The following HDX variants were observed in gnomAD, a reference collection of about 807,000 sequenced individuals.
HDX encodes chromosome X open reading frame 43.
HDX carries 19 observed loss-of-function variants against 45.2 expected under a neutral mutation model. The observed-to-expected ratio is 0.42, with a 90% confidence interval of 0.29 to 0.62. The LOEUF is 0.62. Among genes scored for constraint, HDX ranks in the 20% least tolerant of loss-of-function variants. The pLI is 0.20. For synonymous variants in HDX, 188 were observed against 172.8 expected, an observed-to-expected ratio of 1.09 and a Z score of -0.69; for missense variants, 532 against 493.9, an observed-to-expected ratio of 1.08 and a Z score of -0.73.
chrX:84,471,196 C>T (rs1424688969), intron 3 of HDX, among the ~76,000 whole-genome samples: 2 of 108,426 alleles, frequency 1.8e-5, no homozygotes, highest in Non-Finnish European at 3.8e-5. Context: ...TGCTGTACTA[C>T]TGTAAATAAA....
At chrX:84,358,469 C>A (rs1227889042) in intron 6 of HDX, among the ~76,000 whole-genome samples, 1 of 111,892 alleles carries the variant, frequency 8.9e-6, no homozygotes, top group East Asian at 2.8e-4. Context: ...CCTCTTCAGT[C>A]ATTTTTTTTC....
At chrX:84,333,382 A>T (rs73625978) in intron 9 of HDX, among the ~76,000 whole-genome samples, 6,807 of 111,097 alleles carry the variant, frequency 0.061, 234 homozygotes, top group African/African-American at 0.13. Flanking sequence ...TCCACAGAAG[A>T]AGTAAAAATT....
chrX:84,368,565 A>T (rs1273940982), intron 5 of HDX, among the ~76,000 whole-genome samples: 1 of 111,995 alleles, frequency 8.9e-6, no homozygotes, highest in Non-Finnish European at 1.9e-5. Flanking sequence ...AATTTGACTG[A>T]TGTATTTTTC....
At chrX:84,363,810 C>T (rs2037676769) in intron 5 of HDX, among the ~76,000 whole-genome samples, 1 of 111,600 alleles carries the variant, frequency 9.0e-6, no homozygotes, top group South Asian at 3.7e-4. Flanking sequence ...TTTTGTTTTT[C>T]TATTGGACTC....
chrX:84,463,990 T>C lies in HDX; in HGVS notation c.1251+4482A>G, dbSNP rs148248377. 2.4e-4 allele frequency among the ~76,000 whole-genome samples: 27 copies of C among 111,698 alleles called. 1 individual carries two copies. In the East Asian group the frequency reaches 4.8e-3, roughly 20 times the overall value. ...CAGTTTTCTAGATAGTTTGATACTA[T>C]ACTATCCTCCAGAAATAGTATCACG... On this transcript the variant is annotated intron_variant, in intron 4 of 10. Transcript: ENST00000373177.
chrX:84,349,609 GTATATA>G (rs752855941), intron 6 of HDX, among the ~76,000 whole-genome samples: 1 of 77,566 alleles, frequency 1.3e-5, no homozygotes, highest in African/African-American at 5.1e-5. Flanking sequence ...ATGTGTGTGT[GTATATA>G]TATATATATA....
At chrX:84,381,960 A>T (rs10481992) in intron 5 of HDX, among the ~76,000 whole-genome samples, 10,770 of 111,164 alleles carry the variant, frequency 0.097, 809 homozygotes, top group African/African-American at 0.25. Context: ...CTGACAAGGG[A>T]TTAATAACCA....
chrX:84,490,717 ATCT>A (rs1195592365), intron 1 of HDX, among the ~76,000 whole-genome samples: 5 of 110,512 alleles, frequency 4.5e-5, no homozygotes, highest in Non-Finnish European at 7.6e-5. Context: ...ATTTTTTTAA[ATCT>A]TATTATTATT....
chrX:84,359,462 G>A (rs1027172094), intron 6 of HDX, among the ~76,000 whole-genome samples: 3 of 110,533 alleles, frequency 2.7e-5, no homozygotes, highest in African/African-American at 9.9e-5. Flanking sequence ...CTGTTCCTAT[G>A]TTAGTTTGCT....
intron 5 of HDX, among the ~76,000 whole-genome samples, chrX:84,402,743 G>A (rs1361634016): frequency 9.0e-6 from 1 of 111,450 alleles, no homozygotes; most frequent in Admixed American, 9.6e-5. Context: ...GTTTAACTTT[G>A]TAAGAAACTG....
At chrX:84,476,207 A>G (rs2040547839) in intron 2 of HDX, among the ~76,000 whole-genome samples, 1 of 111,095 alleles carries the variant, frequency 9.0e-6, no homozygotes, top group Admixed American at 9.7e-5. Context: ...GTCAGGTCAA[A>G]CTCTTCTTTA....
intron 5 of HDX, among the ~76,000 whole-genome samples, chrX:84,393,294 C>T (rs183873985): frequency 9.0e-6 from 1 of 111,477 alleles, no homozygotes; most frequent in East Asian, 2.8e-4. Flanking sequence ...TTTTGTTCTT[C>T]ATTCTGTTGA....
chrX:84,332,066 G>A (rs781217451), intron 9 of HDX, among the ~76,000 whole-genome samples: 1 of 111,379 alleles, frequency 9.0e-6, no homozygotes, highest in South Asian at 3.7e-4. Flanking sequence ...CATTTTCTCT[G>A]AAGACAGATA....
chrX:84,488,950 T>C (rs184248979), intron 1 of HDX, among the ~76,000 whole-genome samples: 116 of 111,887 alleles, frequency 1.0e-3, no homozygotes, highest in African/African-American at 3.5e-3. Flanking sequence ...TTTGTCATGC[T>C]GTCAGTGGGC....
Position 84,468,890 on chromosome X carries a change from A to G in HDX, c.833T>C (p.Leu278Pro). 8.3e-7 allele frequency: 1 copy of G among 1,211,521 alleles called. No individual in the cohort carries two copies. Among genetic ancestry groups the G allele is most frequent in the East Asian group, 3.0e-5 (1 of 33,844 alleles). ...AGGCTTCTGTGGGGCATTTCCTCCC[A>G]GAATTCTCTGGGGGTAATCGCTAAC... ...LAVSDYPQRI[L>P]GGNAPQKPSS... is the part of the protein sequence containing the mutation. The change falls in exon 4 of 11, where the codon CTG becomes CCG. Residue 278 changes from leucine (L) to proline (P), a missense_variant. Leu to Pro is a moderately conservative substitution (Grantham distance 98). Coordinates refer to ENST00000373177, the MANE Select transcript of HDX (RefSeq NM_001177479.2).
intron 5 of HDX, among the ~76,000 whole-genome samples, chrX:84,398,724 A>G (rs1427957078): frequency 1.8e-5 from 2 of 112,132 alleles, no homozygotes; most frequent in Non-Finnish European, 3.8e-5. Flanking sequence ...GACCTAATGG[A>G]CGTCTACAGA....
intron 5 of HDX, among the ~76,000 whole-genome samples, chrX:84,380,239 T>TA (rs59589657): frequency 0.2 from 20,240 of 100,292 alleles, 1,817 homozygotes; most frequent in East Asian, 0.62. Flanking sequence ...AGCCTCCCAA[T>TA]AAAAAAAAAA....
intron 1 of HDX, among the ~76,000 whole-genome samples, chrX:84,491,082 T>C (rs1486096884): frequency 9.0e-6 from 1 of 111,535 alleles, no homozygotes; most frequent in African/African-American, 3.3e-5. Flanking sequence ...GGTTCATAGA[T>C]TTCATCAAAT....
chrX:84,467,541 C>G (rs1360547626), intron 4 of HDX, among the ~76,000 whole-genome samples: 1 of 108,123 alleles, frequency 9.2e-6, no homozygotes, highest in East Asian at 2.9e-4. Flanking sequence ...GCGGGAGAAT[C>G]GCTTGAACCA....
Sources: allele counts gnomAD v4.1 joint callset (sites outside exome capture counted in the v4.1 genomes callset), GRCh38; gene constraint gnomAD v4.1.1; transcripts MANE v1.5; gene names NCBI Gene and HGNC (gene_info 2026-07-23, HGNC 2026-07-21).